Variants in TRMT11 observed in about 807,000 individuals in gnomAD.
TRMT11 encodes tRNA methyltransferase 11, also known as tRNA (guanine(10)-N(2))-methyltransferase TRMT11.
Under a neutral mutation model 62.8 loss-of-function variants are expected in TRMT11, and 53 were observed. The ratio of observed to expected loss-of-function variants is 0.84; its 90% CI spans 0.68 to 1.06. The LOEUF (loss-of-function observed/expected upper bound fraction) is 1.06. TRMT11 is among the 50% of genes least tolerant of loss of function. The pLI, the probability that TRMT11 is intolerant of heterozygous loss-of-function variation, is 0.00. For synonymous variants in TRMT11, 188 were observed against 190.3 expected (o/e 0.99, Z 0.10); for missense variants, 556 against 553.4 (o/e 1.00, Z -0.05).
chr6:126,054,927 A>T (rs1015795944), intron 17 of TRMT11, among the ~76,000 whole-genome samples: 1 of 152,168 alleles, frequency 6.6e-6, no homozygotes, highest in South Asian at 2.1e-4. Context: ...ATTCTTACCA[A>T]GAGCAACCAG....
chr6:126,035,621 C>T lies in TRMT11; in HGVS notation c.1261-3084C>T, dbSNP rs565953098. 3.2e-4 allele frequency among the ~76,000 whole-genome samples: 48 copies of T among 152,144 alleles called. 1 individual carries two copies. Among genetic ancestry groups the T allele is most frequent in the African/African-American group, 9.6e-4 (40 of 41,510 alleles). ...GCATGTATGTCTTTGCCACCGTGTC[C>T]CCATAGCACTGAATAGAACACATGG... On this transcript the variant is annotated intron_variant, in intron 12 of 12. Transcript: ENST00000334379.
intron 3 of TRMT11, among the ~76,000 whole-genome samples, chr6:125,997,275 C>A (rs796204940): frequency 5.9e-5 from 9 of 152,266 alleles, no homozygotes; most frequent in African/African-American, 2.2e-4. Context: ...AAAAAAATTA[C>A]AATTTAACTG....
the TRMT11 span, among the ~76,000 whole-genome samples, chr6:126,218,697 A>G: frequency 6.6e-6 from 1 of 152,096 alleles, no homozygotes; most frequent in African/African-American, 2.4e-5. Context: ...GTTGGAGGAG[A>G]GGTGGCAGAA....
At chr6:126,080,219 A>G (rs906120522) in intron 17 of TRMT11, among the ~76,000 whole-genome samples, 3 of 152,018 alleles carry the variant, frequency 2.0e-5, no homozygotes. Context: ...CTCCCCACTC[A>G]GCCTCCTGAA....
chr6:126,194,474 C>T (rs370873847), intron 1 of TRMT11, among the ~76,000 whole-genome samples: 7 of 152,108 alleles, frequency 4.6e-5, no homozygotes, highest in South Asian at 4.1e-4. Flanking sequence ...TTATTAATTT[C>T]GCGCCCTAAT....
In TRMT11 at chr6:126,001,324, T is replaced by G. The variant is rs77235360; in HGVS notation, c.679+1711T>G. 4.1e-3 allele frequency among the ~76,000 whole-genome samples: 627 copies of G among 152,246 alleles called. 1 individual carries two copies. Among genetic ancestry groups the G allele is most frequent in the African/African-American group, 0.014 (600 of 41,572 alleles). On this transcript the variant is annotated intron_variant, in intron 7 of 12. Coordinates refer to ENST00000334379, the MANE Select transcript of TRMT11 (RefSeq NM_001031712.3). Reference sequence around the variant, plus strand: ...TTGGAACACAGCCAAAGTCTTTTTTTCTTTTATGAAATTTGCACTTTTCAA... The same window carrying G: ...TTGGAACACAGCCAAAGTCTTTTTTGCTTTTATGAAATTTGCACTTTTCAA...
the TRMT11 span, among the ~76,000 whole-genome samples, chr6:126,265,723 A>G: frequency 6.6e-6 from 1 of 152,194 alleles, no homozygotes; most frequent in African/African-American, 2.4e-5. Flanking sequence ...ATGATTAATT[A>G]ACACATGTAC....
chr6:126,035,974 C>CA (rs1775111821), intron 12 of TRMT11, among the ~76,000 whole-genome samples: 3 of 152,124 alleles, frequency 2.0e-5, no homozygotes, highest in Admixed American at 2.0e-4. Context: ...TGCATAACCA[C>CA]AGCTTAGGTC....
intron 6 of TRMT11, among the ~76,000 whole-genome samples, chr6:125,999,170 A>G (rs1792081548): frequency 6.6e-6 from 1 of 152,164 alleles, no homozygotes; most frequent in Non-Finnish European, 1.5e-5. Context: ...GATTATTGTT[A>G]TGTAGGAGAA....
At chr6:125,986,683 G>A in intron 1 of TRMT11, 61 bp downstream of exon 1, 1 of 1,475,238 alleles carries the variant, frequency 6.8e-7, no homozygotes, top group Non-Finnish European at 9.2e-7. Context: ...GGAGTGGAGT[G>A]GGTGGAGGTG....
At chr6:125,990,860 T>C (rs1343774564) in intron 1 of TRMT11, among the ~76,000 whole-genome samples, 3 of 152,114 alleles carry the variant, frequency 2.0e-5, no homozygotes, top group Non-Finnish European at 4.4e-5. Context: ...TGTGAGGTGG[T>C]TTTGTTGGTT....
In TRMT11 at chr6:126,012,274, C is replaced by T. The variant is rs1459295271; in HGVS notation, c.926-497C>T. Among the ~76,000 whole-genome samples the T allele has an allele frequency of 4.0e-5, 6 of 150,744 alleles. No individual in the cohort carries two copies. In the East Asian group the frequency reaches 7.7e-4, roughly 19 times the overall value. The stretch of plus-strand genomic sequence containing the variant: ...TTATATAAAATACATTTTTTTTTTC[C>T]GATCAACTTGAGAGTAAGTGGTATA... On this transcript the variant is annotated intron_variant, in intron 9 of 12. Transcript: ENST00000334379.
intron 12 of TRMT11, among the ~76,000 whole-genome samples, chr6:126,032,217 A>G (rs548395931): frequency 6.6e-6 from 1 of 152,260 alleles, no homozygotes; most frequent in East Asian, 1.9e-4. Context: ...CCTCCATTCC[A>G]TGCCCTACAT....
chr6:126,066,206 A>G (rs1776685155), intron 17 of TRMT11, among the ~76,000 whole-genome samples: 1 of 152,184 alleles, frequency 6.6e-6, no homozygotes, highest in Non-Finnish European at 1.5e-5. Context: ...GTGTGGCTGG[A>G]TCCTGTGGGG....
the TRMT11 span, among the ~76,000 whole-genome samples, chr6:126,211,213 C>T: frequency 6.6e-6 from 1 of 152,114 alleles, no homozygotes. Context: ...TGGAGGTTTC[C>T]AGTAGAACAG....
At chr6:126,079,549 T>C (rs2128154630) in intron 17 of TRMT11, among the ~76,000 whole-genome samples, 1 of 152,288 alleles carries the variant, frequency 6.6e-6, no homozygotes, top group South Asian at 2.1e-4. Flanking sequence ...TATTTCTTGT[T>C]ATTTTGTTTT....
At chr6:125,998,915 A>G (rs1792040318) in intron 6 of TRMT11, among the ~76,000 whole-genome samples, 1 of 151,662 alleles carries the variant, frequency 6.6e-6, no homozygotes, top group African/African-American at 2.4e-5. Flanking sequence ...ATACCTGGAA[A>G]TGTTGAAACA....
chr6:126,177,129 T>C (rs1443072253), upstream of TRMT11: 4 of 152,196 alleles, frequency 2.6e-5, no homozygotes, highest in Non-Finnish European at 4.4e-5. Context: ...TTATTAATTA[T>C]TGAAATGGGA....
At chr6:126,085,292 C>T (rs1479277384) in intron 17 of TRMT11, among the ~76,000 whole-genome samples, 1 of 152,156 alleles carries the variant, frequency 6.6e-6, no homozygotes, top group Non-Finnish European at 1.5e-5. Flanking sequence ...CCTGTACATT[C>T]TGCTAGGGCA....
Sources: allele counts gnomAD v4.1 joint callset (sites outside exome capture counted in the v4.1 genomes callset), GRCh38; gene constraint gnomAD v4.1.1; transcripts MANE v1.5; gene names NCBI Gene and HGNC (gene_info 2026-07-23, HGNC 2026-07-21).